LHFPL3: variants seen among roughly 807,000 people sequenced by gnomAD.
LHFPL3 encodes LHFPL tetraspan subfamily member 3.
In LHFPL3, 5 loss-of-function variants were observed where a neutral mutation model predicts 19.3. The ratio of observed to expected loss-of-function variants is 0.26; its 90% CI spans 0.14 to 0.54. The LOEUF (loss-of-function observed/expected upper bound fraction) is 0.54, where lower values mean the gene tolerates loss of function less well. LHFPL3 is among the 20% of genes least tolerant of loss of function. The pLI is 0.94. For missense variants in LHFPL3, 249 were observed against 307.4 expected, an observed-to-expected ratio of 0.81 and a Z score of 1.42; for synonymous variants, 133 against 126.2, an observed-to-expected ratio of 1.05 and a Z score of -0.36.
Position 104,430,373 on chromosome 7 carries a change from TATATATATAC to T in LHFPL3, c.445+101159_445+101168del, listed in dbSNP as rs1200566866. 7.7e-3 allele frequency among the ~76,000 whole-genome samples: 486 copies of T among 63,092 alleles called. 24 individuals are homozygous for T. The highest frequency in any genetic ancestry group is 0.028 in the African/African-American group (231 of 8,226). The allele number at this position is 63,092 out of a possible 152,430, so 41.4% of individuals were successfully genotyped here. A position where few individuals can be genotyped will look rare whatever the true frequency, so the allele number is the denominator to read the frequency against. ...CTTGAAATTTGCATTTCTGTGGGTA[TATATATATAC>T]ATATATATATATATATATATACATA... On this transcript the variant is annotated intron_variant, in intron 1 of 2. Transcript: ENST00000424859.
intron 1 of LHFPL3, among the ~76,000 whole-genome samples, chr7:104,663,975 T>A (rs1385526746): frequency 6.6e-6 from 1 of 152,214 alleles, no homozygotes; most frequent in East Asian, 1.9e-4. Flanking sequence ...AGCTAGCAGA[T>A]CCACCTGGAA....
intron 1 of LHFPL3, among the ~76,000 whole-genome samples, chr7:104,525,450 C>T (rs1022697752): frequency 1.3e-5 from 2 of 151,960 alleles, no homozygotes; most frequent in Non-Finnish European, 2.9e-5. Context: ...TTAATTTAAG[C>T]AAAAGAAGAA....
intron 2 of LHFPL3, among the ~76,000 whole-genome samples, chr7:104,808,171 G>A (rs992561633): frequency 6.6e-6 from 1 of 152,170 alleles, no homozygotes; most frequent in Non-Finnish European, 1.5e-5. Flanking sequence ...CGCAAACTAT[G>A]CCCACTTCCT....
chr7:104,477,233 C>G (rs1793039355), intron 1 of LHFPL3, among the ~76,000 whole-genome samples: 1 of 152,138 alleles, frequency 6.6e-6, no homozygotes, highest in Non-Finnish European at 1.5e-5. Flanking sequence ...TCAAGGGATC[C>G]TTCTGCCTCA....
chr7:104,625,582 A>G (rs1791527264), intron 1 of LHFPL3, among the ~76,000 whole-genome samples: 3 of 152,182 alleles, frequency 2.0e-5, no homozygotes, highest in Admixed American at 2.0e-4. Flanking sequence ...AAGGAAAGAT[A>G]AGACCATATT....
rs76588633 is a variant in LHFPL3 at position 104,426,025 on chromosome 7, A to G, written c.445+96801A>G. Among the ~76,000 whole-genome samples the G allele has an allele frequency of 7.5e-3, 1,149 of 152,324 alleles. 76 individuals are homozygous for G. The East Asian group carries it at 0.16, about 22-fold the overall frequency. On this transcript the variant is annotated intron_variant, in intron 1 of 2. Transcript: ENST00000424859. ...ACATTGCCTATTCCTTCTGTTCGCA[A>G]TGGCAAAATTATAGCTTCAAACACA...
chr7:104,742,923 C>A (rs919699263), intron 2 of LHFPL3, among the ~76,000 whole-genome samples: 3 of 151,892 alleles, frequency 2.0e-5, no homozygotes, highest in Non-Finnish European at 4.4e-5. Flanking sequence ...TTGAGACCAG[C>A]CTGGCCAATA....
intron 1 of LHFPL3, among the ~76,000 whole-genome samples, chr7:104,532,149 G>A (rs1794309929): frequency 6.6e-6 from 1 of 151,966 alleles, no homozygotes; most frequent in African/African-American, 2.4e-5. Flanking sequence ...ACTGGGTCTT[G>A]CTTTGTCACC....
rs574295219 is a variant in LHFPL3 at position 104,679,607 on chromosome 7, C to T, written c.446-57068C>T. Among the ~76,000 whole-genome samples, 3 of 152,320 alleles carry T rather than the reference C, an allele frequency of 2.0e-5. No homozygotes were observed. In the South Asian group the frequency reaches 6.2e-4, roughly 32 times the overall value. On this transcript the variant is annotated intron_variant, in intron 1 of 2. Transcript: ENST00000424859. ...AAAGAAGGCAAAGCCACAGTTAGAA[C>T]CTGAATAGAACTTACATTCTGAGAT... is the stretch of plus-strand genomic sequence containing the variant.
chr7:104,850,553 G>A (rs17777379), intron 2 of LHFPL3, among the ~76,000 whole-genome samples: 15,809 of 152,166 alleles, frequency 0.1, 1,764 homozygotes, highest in East Asian at 0.43. Flanking sequence ...ACACCCTGAT[G>A]CAGAGGGCTT....
intron 2 of LHFPL3, among the ~76,000 whole-genome samples, chr7:104,868,417 C>T (rs1791770407): frequency 6.6e-6 from 1 of 152,154 alleles, no homozygotes; most frequent in Non-Finnish European, 1.5e-5. Context: ...AAATCACAAG[C>T]ATTCTTATAC....
At chr7:104,681,618 G>A (rs896289790) in intron 1 of LHFPL3, among the ~76,000 whole-genome samples, 2 of 126,768 alleles carry the variant, frequency 1.6e-5, no homozygotes, top group Non-Finnish European at 3.4e-5. Context: ...CGAGACTAAG[G>A]CTCAAAAAAA....
chr7:104,525,564 C>T (rs1182022030), intron 1 of LHFPL3, among the ~76,000 whole-genome samples: 1 of 151,662 alleles, frequency 6.6e-6, no homozygotes, highest in Middle Eastern at 3.2e-3. Context: ...TAATGATCCT[C>T]CAGGTTTCTG....
chr7:104,438,681 T>C (rs944570860), intron 1 of LHFPL3, among the ~76,000 whole-genome samples: 9 of 151,970 alleles, frequency 5.9e-5, no homozygotes, highest in Non-Finnish European at 1.2e-4. Context: ...TAAGTTTCCT[T>C]GTCAAGAAGG....
At chr7:104,391,438 G>A (rs537643760) in intron 1 of LHFPL3, among the ~76,000 whole-genome samples, 3 of 152,284 alleles carry the variant, frequency 2.0e-5, no homozygotes, top group African/African-American at 7.2e-5. Flanking sequence ...TTATTAAATA[G>A]GGAATCCTTT....
intron 1 of LHFPL3, among the ~76,000 whole-genome samples, chr7:104,516,244 A>G (rs1793918766): frequency 6.6e-6 from 1 of 152,014 alleles, no homozygotes; most frequent in Non-Finnish European, 1.5e-5. Flanking sequence ...TAGCAAAACC[A>G]TCAGATTTTG....
At chr7:104,621,058 C>G (rs1398957879) in intron 1 of LHFPL3, among the ~76,000 whole-genome samples, 1 of 152,154 alleles carries the variant, frequency 6.6e-6, no homozygotes, top group Non-Finnish European at 1.5e-5. Flanking sequence ...CAAGCAATAC[C>G]TGGGGCAAAA....
At chr7:104,389,333 A>C (rs1237410353) in intron 1 of LHFPL3, among the ~76,000 whole-genome samples, 4 of 152,202 alleles carry the variant, frequency 2.6e-5, no homozygotes, top group Non-Finnish European at 5.9e-5. Context: ...CACAACTTGC[A>C]GACCGAAAAC....
At chr7:104,718,779 A>G (rs4338031) in intron 1 of LHFPL3, among the ~76,000 whole-genome samples, 29,043 of 152,106 alleles carry the variant, frequency 0.19, 2,888 homozygotes, top group African/African-American at 0.23. Context: ...TAACCACTCA[A>G]TAATCTGGAC....
Sources: allele counts gnomAD v4.1 joint callset (sites outside exome capture counted in the v4.1 genomes callset), GRCh38; gene constraint gnomAD v4.1.1; transcripts MANE v1.5; gene names NCBI Gene and HGNC (gene_info 2026-07-23, HGNC 2026-07-21).